The following CHFR variants were observed in gnomAD, a reference collection of about 807,000 sequenced individuals.
CHFR encodes the protein checkpoint with forkhead and ring finger domains, also known as E3 ubiquitin-protein ligase CHFR.
Under a neutral mutation model 87.6 loss-of-function variants are expected in CHFR, and 57 were observed. The observed-to-expected ratio is 0.65, with a 90% CI of 0.53 to 0.81. The LOEUF (loss-of-function observed/expected upper bound fraction) is 0.81. Among genes scored for constraint, CHFR ranks in the 30% least tolerant of loss-of-function variants. The pLI, the probability that CHFR is intolerant of heterozygous loss-of-function variation, is 0.00. For synonymous variants in CHFR, 381 were observed against 359.2 expected (o/e 1.06, Z -0.69); for missense variants, 797 against 865.8 (o/e 0.92, Z 1.00).
chr12:132,861,145 G>T (rs1161433424), intron 7 of CHFR, among the ~76,000 whole-genome samples: 3 of 152,184 alleles, frequency 2.0e-5, no homozygotes, highest in African/African-American at 7.2e-5. Context: ...TGGCCTCCCA[G>T]TGTTAGGATT....
At chr12:132,846,434 T>C (rs919139079) in intron 15 of CHFR, among the ~76,000 whole-genome samples, 1 of 151,850 alleles carries the variant, frequency 6.6e-6, no homozygotes, top group Non-Finnish European at 1.5e-5. Context: ...GGCTAATTTT[T>C]TGTATTTTTC....
At chr12:132,864,321 C>A (rs1004562740) in intron 6 of CHFR, among the ~76,000 whole-genome samples, 1 of 152,190 alleles carries the variant, frequency 6.6e-6, no homozygotes, top group Non-Finnish European at 1.5e-5. Context: ...CCATCATCTC[C>A]AGCGCCCCGT....
chr12:132,876,713 T>C (rs368874309), intron 3 of CHFR, among the ~76,000 whole-genome samples: 1 of 152,228 alleles, frequency 6.6e-6, no homozygotes, highest in East Asian at 1.9e-4. Flanking sequence ...TGTCACTAAG[T>C]GTCCCATCCT....
At chr12:132,845,918 C>A (rs1400793030) in intron 15 of CHFR, among the ~76,000 whole-genome samples, 1 of 152,138 alleles carries the variant, frequency 6.6e-6, no homozygotes, top group Non-Finnish European at 1.5e-5. Flanking sequence ...ACAGTATGAA[C>A]CTGTGATCAA....
chr12:132,835,799 C>T lies in CHFR; in HGVS notation c.*5755G>A, dbSNP rs947949372. 1.5e-5 allele frequency: 5 copies of T among 334,106 alleles called. No homozygotes were observed. The highest frequency in any genetic ancestry group is 1.1e-3 in the Middle Eastern group (1 of 922). 20.7% of individuals were successfully genotyped at this position (334,106 alleles called of 1,614,324 possible). On this transcript the variant is annotated 3_prime_UTR_variant, in exon 18 of 18. Transcript: ENST00000450056. Reference sequence around the variant, plus strand: ...AGGGCGGGTCTCACAAATGCATGCTCCCAGCACAGCGCACGGCCCTCACAG... The same window carrying T: ...AGGGCGGGTCTCACAAATGCATGCTTCCAGCACAGCGCACGGCCCTCACAG...
intron 2 of CHFR, among the ~76,000 whole-genome samples, chr12:132,878,165 C>G (rs953965032): frequency 6.6e-6 from 1 of 152,098 alleles, no homozygotes; most frequent in Non-Finnish European, 1.5e-5. Context: ...CAGTTACACA[C>G]AGCCTCTTAA....
At position 132,858,981 on chromosome 12, in the gene CHFR, G is replaced by A. The variant is rs1161545195; in HGVS notation, c.911+87C>T. ...GATGCCAGGCCAAACAGGACCTGCA[G>A]GCTTGTCTCATGCCCAGCCCTGCCC... On this transcript the variant is annotated intron_variant, in intron 8 of 17. Transcript: ENST00000450056. 9 of 1,349,086 alleles carry A rather than the reference G, an allele frequency of 6.7e-6. No homozygotes were observed. The East Asian group carries it at 7.6e-5, about 11-fold the overall frequency. 83.6% of individuals were successfully genotyped at this position (1,349,086 alleles called of 1,614,324 possible). A position where few individuals can be genotyped will look rare whatever the true frequency, so the allele number is the denominator to read the frequency against.
At chr12:132,884,443 A>T (rs187817084) in intron 2 of CHFR, among the ~76,000 whole-genome samples, 22 of 151,486 alleles carry the variant, frequency 1.5e-4, no homozygotes, top group East Asian at 9.7e-4. Context: ...TATATATATA[A>T]AATAAATAAA....
At chr12:132,874,620 A>G (rs12425937) in intron 3 of CHFR, among the ~76,000 whole-genome samples, 2,655 of 77,648 alleles carry the variant, frequency 0.034, 23 homozygotes, top group South Asian at 0.053. Flanking sequence ...GGGACTGCCC[A>G]GGACCAGCAC....
chr12:132,847,815 G>C, intron 14 of CHFR: 2 of 1,311,022 alleles, frequency 1.5e-6, no homozygotes, highest in Non-Finnish European at 2.0e-6. Flanking sequence ...GAGCTGCCGG[G>C]AACAAGAGCT....
chr12:132,874,142 G>C (rs1045601575), intron 3 of CHFR, among the ~76,000 whole-genome samples: 4 of 152,254 alleles, frequency 2.6e-5, no homozygotes, highest in Non-Finnish European at 5.9e-5. Flanking sequence ...AGCCCCATCA[G>C]ACCCATATCG....
chr12:132,843,846 G>T (rs1226895571), intron 16 of CHFR, among the ~76,000 whole-genome samples, 181 bp downstream of exon 16: 2 of 152,062 alleles, frequency 1.3e-5, no homozygotes, highest in Non-Finnish European at 2.9e-5. Context: ...CTACTCAGGA[G>T]GCTAAGGCAG....
Position 132,844,121 on chromosome 12 carries a change from C to T in CHFR, c.1749G>A (p.Thr583=), listed in dbSNP as rs1222086097. ...GVFLLSDYRV[T]GDTVLCYCCG... The stretch of plus-strand genomic sequence containing the variant: ...AGCAGTAACACAGAACGGTGTCTCC[C>T]GTGACTCTGTAATCTGGAAGAAACA... The change falls in exon 16 of 18, where the codon ACG becomes ACA. Residue 583 remains threonine, a synonymous_variant. Coordinates refer to ENST00000450056, the MANE Select transcript of CHFR (RefSeq NM_001161346.2). 7.4e-6 allele frequency: 12 copies of T among 1,611,610 alleles called. No homozygotes were observed. The highest frequency in any genetic ancestry group is 1.0e-5 in the Non-Finnish European group (12 of 1,178,232).
rs7966694 is a variant in CHFR at position 132,879,275 on chromosome 12, T to A, written c.134-1621A>T. On this transcript the variant is annotated intron_variant, in intron 2 of 17. Transcript: ENST00000450056. ...CTCCCAAAGTGTTGGGATTACAGGC[T>A]TGAGCCACCGCACCTGGCCTGCGAT... Among the ~76,000 whole-genome samples, 27 of 152,240 alleles carry A rather than the reference T, an allele frequency of 1.8e-4. No homozygotes were observed. The East Asian group carries it at 4.7e-3, about 26-fold the overall frequency.
chr12:132,880,665 G>GA (rs1491471792), intron 2 of CHFR, among the ~76,000 whole-genome samples: 7 of 103,972 alleles, frequency 6.7e-5, no homozygotes, highest in African/African-American at 1.4e-4. Flanking sequence ...CTCAAAAAAA[G>GA]AAAAAAAAAG....
chr12:132,870,711 C>T lies in CHFR; in HGVS notation c.403+13G>A. 6.3e-7 allele frequency: 1 copy of T among 1,582,362 alleles called. No individual in the cohort carries two copies. The highest frequency in any genetic ancestry group is 1.1e-5 in the South Asian group (1 of 90,258). ...CTAACATGCACCCACTTCTTTGCTA[C>T]ACTCTTACTTACCAAAGGATTCTTG... is the stretch of plus-strand genomic sequence containing the variant. On this transcript the variant is annotated intron_variant, in intron 5 of 17. Transcript: ENST00000450056.
Position 132,861,480 on chromosome 12 carries a change from C to G in CHFR, c.738G>C (p.Lys246Asn). 1 of 1,614,196 alleles carries G rather than the reference C, an allele frequency of 6.2e-7. No homozygotes were observed. The highest frequency in any genetic ancestry group is 8.5e-7 in the Non-Finnish European group (1 of 1,180,004). Residue 246 changes from lysine to asparagine, a missense_variant, in exon 7 of 18, where the codon AAG becomes AAC. Physicochemically the swap from Lys to Asn is moderately conservative, Grantham distance 94 (BLOSUM62 0). Coordinates refer to ENST00000450056, the MANE Select transcript of CHFR (RefSeq NM_001161346.2). ...CCAGACACTAACCTCCTCTCATTTT[C>G]TTCTTCACGGGCTCCAAATCCTCCT... Reference protein sequence around the residue: ...QDQEDLEPVKKKMRGDGDLDL... With the variant: ...QDQEDLEPVKNKMRGDGDLDL...
chr12:132,853,447 G>A lies in CHFR; in HGVS notation c.1356C>T (p.Ser452=), dbSNP rs781511228. 1.4e-5 allele frequency: 21 copies of A among 1,525,440 alleles called. No homozygotes were observed. Among genetic ancestry groups the A allele is most frequent in the South Asian group, 3.8e-5 (3 of 79,348 alleles). 94.5% of individuals were successfully genotyped at this position (1,525,440 alleles called of 1,614,324 possible). The change falls in exon 11 of 18, where the codon TCC becomes TCT. Residue 452 remains serine, a synonymous_variant. Transcript: ENST00000450056. ...GCGGCTCACCTGTCGTCAGGCTGAC[G>A]GACGTGGAGGGTGCATCCCCCAGGG... ...PQALGDAPST[S]VSLTTAVQDY...
chr12:132,885,001 T>G (rs1328363717), intron 2 of CHFR, among the ~76,000 whole-genome samples: 1 of 151,358 alleles, frequency 6.6e-6, no homozygotes, highest in African/African-American at 2.4e-5. Flanking sequence ...GGCAGGAGAA[T>G]CGCTTGAACC....
Sources: allele counts gnomAD v4.1 joint callset (sites outside exome capture counted in the v4.1 genomes callset), GRCh38; gene constraint gnomAD v4.1.1; transcripts MANE v1.5; gene names NCBI Gene and HGNC (gene_info 2026-07-23, HGNC 2026-07-21).